Variants in MYO5B observed in about 807,000 individuals in gnomAD.
MYO5B encodes the protein myosin VB.
Under a neutral mutation model 229.3 loss-of-function variants are expected in MYO5B, and 143 were observed. The observed-to-expected ratio is 0.62, with a 90% confidence interval of 0.54 to 0.72. The LOEUF is 0.72. Ranked by LOEUF, MYO5B falls within the 30% of genes least tolerant of loss-of-function variation. MYO5B has a pLI of 0.00. For missense variants in MYO5B, 2,321 were observed against 2,331.0 expected, an observed-to-expected ratio of 1.00 and a Z score of 0.09; for synonymous variants, 918 against 885.2, an observed-to-expected ratio of 1.04 and a Z score of -0.66.
At chr18:49,955,240 G>A (rs2025479835) in intron 12 of MYO5B, among the ~76,000 whole-genome samples, 1 of 152,230 alleles carries the variant, frequency 6.6e-6, no homozygotes, top group African/African-American at 2.4e-5. Flanking sequence ...CTGAAGGGCA[G>A]CCCCTTTCAA....
chr18:49,928,246 T>A (rs1038659698), intron 17 of MYO5B, among the ~76,000 whole-genome samples: 2 of 152,190 alleles, frequency 1.3e-5, no homozygotes, highest in African/African-American at 4.8e-5. Flanking sequence ...GATGTTGGCA[T>A]GGATGTGGTG....
intron 9 of MYO5B, among the ~76,000 whole-genome samples, chr18:49,976,629 G>A (rs1473112747): frequency 1.3e-5 from 2 of 152,214 alleles, no homozygotes; most frequent in African/African-American, 4.8e-5. Context: ...CTATTCAGAT[G>A]AAGCTGAGTG....
At chr18:50,165,245 G>A (rs1399587203) in intron 1 of MYO5B, among the ~76,000 whole-genome samples, 2 of 151,830 alleles carry the variant, frequency 1.3e-5, no homozygotes, top group African/African-American at 4.8e-5. Flanking sequence ...GACTCTGGGT[G>A]GCTGAGGCAG....
intron 7 of MYO5B, among the ~76,000 whole-genome samples, chr18:49,985,745 C>T (rs953240258): frequency 6.6e-6 from 1 of 152,152 alleles, no homozygotes; most frequent in African/African-American, 2.4e-5. Context: ...GTTCCCTCTT[C>T]CCTGAAAACC....
chr18:49,937,445 T>G (rs770204131), intron 14 of MYO5B, 48 bp from the exon 15 acceptor site: 1 of 1,600,198 alleles, frequency 6.2e-7, no homozygotes, highest in African/African-American at 1.3e-5. Flanking sequence ...CTCCTGCACC[T>G]TACATGTTTC....
At chr18:49,859,434 T>C (rs543202056) in intron 29 of MYO5B, among the ~76,000 whole-genome samples, 1 of 152,334 alleles carries the variant, frequency 6.6e-6, no homozygotes, top group South Asian at 2.1e-4. Context: ...ACAAGATTCC[T>C]GCCAGCTCAG....
chr18:49,960,234 T>C lies in MYO5B; in HGVS notation c.1545+2032A>G, dbSNP rs537289588. ...GTCCAATCCTTCATCTGACTTTATG[T>C]CCTGTCTCATGGGGTCACAGAACTC... is the stretch of plus-strand genomic sequence containing the variant. On this transcript the variant is annotated intron_variant, in intron 12 of 39. Coordinates refer to ENST00000285039, the MANE Select transcript of MYO5B (RefSeq NM_001080467.3). 3.3e-5 allele frequency among the ~76,000 whole-genome samples: 5 copies of C among 152,368 alleles called. No homozygotes were observed. In the South Asian group the frequency reaches 8.3e-4, roughly 25 times the overall value.
At chr18:49,958,573 T>A (rs1316271532) in intron 12 of MYO5B, among the ~76,000 whole-genome samples, 3 of 152,186 alleles carry the variant, frequency 2.0e-5, no homozygotes, top group Admixed American at 1.3e-4. Flanking sequence ...CCCTCCTGGC[T>A]GGTCTTCCAT....
intron 1 of MYO5B, among the ~76,000 whole-genome samples, chr18:50,148,200 C>A (rs533174765): frequency 4.6e-5 from 7 of 150,902 alleles, no homozygotes; most frequent in African/African-American, 1.7e-4. Flanking sequence ...CAATAGCTTA[C>A]CAACCAAAAA....
At chr18:49,905,979 G>A (rs1225593030) in intron 19 of MYO5B, among the ~76,000 whole-genome samples, 1 of 152,176 alleles carries the variant, frequency 6.6e-6, no homozygotes, top group Non-Finnish European at 1.5e-5. Context: ...TCGCAAAAGG[G>A]GCCTCCCAGG....
At chr18:50,127,226 A>G (rs1362850180) in intron 1 of MYO5B, among the ~76,000 whole-genome samples, 1 of 152,218 alleles carries the variant, frequency 6.6e-6, no homozygotes, top group Non-Finnish European at 1.5e-5. Context: ...AATTTCTAGC[A>G]TCTCAACCAT....
intron 4 of MYO5B, among the ~76,000 whole-genome samples, chr18:50,019,191 T>C (rs894218805): frequency 1.3e-5 from 2 of 152,194 alleles, no homozygotes; most frequent in African/African-American, 4.8e-5. Flanking sequence ...CATAATCACG[T>C]AGCTAGTAGA....
chr18:49,994,042 T>C (rs570631591), intron 5 of MYO5B, among the ~76,000 whole-genome samples: 2 of 152,248 alleles, frequency 1.3e-5, no homozygotes, highest in Admixed American at 1.3e-4. Context: ...CCATAGGCAG[T>C]TCCCTCTTTT....
intron 1 of MYO5B, among the ~76,000 whole-genome samples, chr18:50,130,486 A>C (rs2032238433): frequency 6.6e-6 from 1 of 152,148 alleles, no homozygotes. Flanking sequence ...CATGCGGTTC[A>C]TTTCTGTGGC....
intron 1 of MYO5B, among the ~76,000 whole-genome samples, chr18:50,088,010 G>A (rs2031368800): frequency 6.6e-6 from 1 of 152,168 alleles, no homozygotes; most frequent in Admixed American, 6.5e-5. Context: ...AGGTTTAGTG[G>A]AAGCAGGGAC....
chr18:49,851,488 T>C (rs1264475067), intron 31 of MYO5B, among the ~76,000 whole-genome samples: 1 of 152,224 alleles, frequency 6.6e-6, no homozygotes, highest in Non-Finnish European at 1.5e-5. Context: ...GGGAACATAG[T>C]GCTGGCCACA....
intron 1 of MYO5B, among the ~76,000 whole-genome samples, chr18:50,080,123 A>G (rs113783757): frequency 1.4e-4 from 22 of 152,296 alleles, no homozygotes; most frequent in African/African-American, 5.1e-4. Flanking sequence ...CATCATCCCA[A>G]ACAAGCTCTG....
intron 1 of MYO5B, among the ~76,000 whole-genome samples, chr18:50,111,675 C>G (rs1232400196): frequency 6.6e-6 from 1 of 152,200 alleles, no homozygotes; most frequent in Non-Finnish European, 1.5e-5. Flanking sequence ...CAATTATAAC[C>G]AGTAGTTATT....
Position 50,072,384 on chromosome 18 carries a change from G to T in MYO5B, c.28-17006C>A, listed in dbSNP as rs545398509. Among the ~76,000 whole-genome samples the T allele has an allele frequency of 1.1e-4, 17 of 152,322 alleles. 1 individual carries two copies. In the South Asian group the frequency reaches 3.5e-3, roughly 32 times the overall value. ...TGAAAAAGCAGCCCCATTTATGTGG[G>T]AGAGAGACAAGAGTGAGTAGGGAAG... On this transcript the variant is annotated intron_variant, in intron 1 of 39. Coordinates refer to ENST00000285039, the MANE Select transcript of MYO5B (RefSeq NM_001080467.3).
Sources: gnomAD v4.1 joint callset for allele counts (sites outside exome capture counted in the v4.1 genomes callset) on GRCh38, gnomAD v4.1.1 for gene constraint, MANE v1.5 for transcripts, NCBI Gene and HGNC (gene_info 2026-07-23, HGNC 2026-07-21) for gene names.